SETD7: variants seen among roughly 807,000 people sequenced by gnomAD.
SETD7 encodes SET domain containing 7, histone lysine methyltransferase.
In SETD7, 16 loss-of-function variants were observed where a neutral mutation model predicts 41.8. The observed-to-expected ratio is 0.38, with a 90% CI of 0.26 to 0.58. The LOEUF is 0.58. Ranked by LOEUF, SETD7 falls within the 20% of genes least tolerant of loss-of-function variation. SETD7 has a pLI of 0.64. For synonymous variants in SETD7, 163 were observed against 169.7 expected (o/e 0.96, Z 0.31); for missense variants, 346 against 459.7 (o/e 0.75, Z 2.26).
Position 139,533,564 on chromosome 4 carries a change from T to G in SETD7, c.171-198A>C, listed in dbSNP as rs115985525. On this transcript the variant is annotated intron_variant, in intron 2 of 7. Transcript: ENST00000274031. ...TAAGACTGAGAAGAAAGACGGAGATTTAATACCCAATCTCATGGTTCCTGG... is the reference window on the plus strand; with the variant it reads ...TAAGACTGAGAAGAAAGACGGAGATGTAATACCCAATCTCATGGTTCCTGG... Among the ~76,000 whole-genome samples, 1,326 of 152,270 alleles carry G rather than the reference T, an allele frequency of 8.7e-3. 25 individuals are homozygous for G. Among genetic ancestry groups the G allele is most frequent in the African/African-American group, 0.031 (1,269 of 41,542 alleles).
chr4:139,549,666 T>C (rs758034107), intron 1 of SETD7, among the ~76,000 whole-genome samples: 1 of 152,060 alleles, frequency 6.6e-6, no homozygotes, highest in Admixed American at 6.6e-5. Flanking sequence ...AGTGCAGTGA[T>C]GAGACCATAG....
intron 7 of SETD7, among the ~76,000 whole-genome samples, chr4:139,497,588 T>G (rs1035355205): frequency 6.6e-6 from 1 of 150,596 alleles, no homozygotes; most frequent in Middle Eastern, 3.2e-3. Context: ...TTTGTTTTTT[T>G]GTTTTTTTGT....
chr4:139,511,606 C>T lies in SETD7; in HGVS notation c.*57G>A, dbSNP rs202095469. On this transcript the variant is annotated 3_prime_UTR_variant, in exon 8 of 8. Transcript: ENST00000274031. ...CCTGGTTGTCCCATTGTCAGATAAA[C>T]GTAGTGCATAGATCCAAGTTTCTAT... 6.5e-4 allele frequency: 1,042 copies of T among 1,607,958 alleles called. 2 individuals are homozygous for T. The highest frequency in any genetic ancestry group is 8.3e-4 in the Non-Finnish European group (979 of 1,178,716).
chr4:139,532,500 A>C (rs762448499), intron 3 of SETD7: 6 of 152,448 alleles, frequency 3.9e-5, no homozygotes, highest in Non-Finnish European at 7.3e-5. Flanking sequence ...TTTCTGTAAC[A>C]TTTTCTGGAA....
intron 7 of SETD7, among the ~76,000 whole-genome samples, chr4:139,514,718 A>G (rs1726977331): frequency 6.6e-6 from 1 of 152,250 alleles, no homozygotes; most frequent in Non-Finnish European, 1.5e-5. Context: ...CGTGAGCTAC[A>G]CGATTAGCAG....
chr4:139,542,881 G>A (rs897521572), intron 2 of SETD7, among the ~76,000 whole-genome samples: 3 of 152,112 alleles, frequency 2.0e-5, no homozygotes, highest in African/African-American at 7.2e-5. Context: ...TAATTTTCTT[G>A]ATATGTTTAT....
At chr4:139,497,956 G>A (rs1660762612) in intron 7 of SETD7, among the ~76,000 whole-genome samples, 1 of 152,164 alleles carries the variant, frequency 6.6e-6, no homozygotes, top group Non-Finnish European at 1.5e-5. Context: ...ACCACAAGAG[G>A]GAGCTGGACC....
chr4:139,545,833 G>A (rs901371254), intron 2 of SETD7, among the ~76,000 whole-genome samples: 2 of 152,202 alleles, frequency 1.3e-5, no homozygotes, highest in African/African-American at 4.8e-5. Flanking sequence ...AGTAAGTGGT[G>A]CGGTATCCTA....
intron 1 of SETD7, among the ~76,000 whole-genome samples, chr4:139,548,468 T>A (rs759686351): frequency 6.6e-6 from 1 of 151,966 alleles, no homozygotes; most frequent in Non-Finnish European, 1.5e-5. Context: ...CCGTCTTTAC[T>A]AAAAATACAA....
At chr4:139,498,786 A>G (rs535444249) in intron 7 of SETD7, among the ~76,000 whole-genome samples, 1 of 152,294 alleles carries the variant, frequency 6.6e-6, no homozygotes, top group Admixed American at 6.5e-5. Flanking sequence ...AAACCTAAAA[A>G]TATCACTCTA....
At chr4:139,553,853 A>G (rs1190458302) in intron 1 of SETD7, among the ~76,000 whole-genome samples, 1 of 152,242 alleles carries the variant, frequency 6.6e-6, no homozygotes, top group African/African-American at 2.4e-5. Flanking sequence ...TCTTTGGGAA[A>G]GAACAGAAGC....
chr4:139,499,340 C>T (rs528489747), intron 7 of SETD7, among the ~76,000 whole-genome samples: 2 of 152,210 alleles, frequency 1.3e-5, no homozygotes, highest in Admixed American at 6.5e-5. Context: ...GAGGCTTGAA[C>T]TTTGCTAAAG....
At chr4:139,547,171 T>C in intron 1 of SETD7, 122 bp from the exon 2 acceptor site, 1 of 1,265,640 alleles carries the variant, frequency 7.9e-7, no homozygotes, top group Non-Finnish European at 1.1e-6. Flanking sequence ...TGCCAAAGGG[T>C]CCCCTCCCTG....
downstream of SETD7, among the ~76,000 whole-genome samples, chr4:139,501,642 A>C (rs1726579361): frequency 6.6e-6 from 1 of 152,280 alleles, no homozygotes; most frequent in African/African-American, 2.4e-5. Context: ...AAATAAATAA[A>C]AGTACTCTAG....
intron 2 of SETD7, chr4:139,546,511 A>G: frequency 3.3e-6 from 1 of 306,592 alleles, no homozygotes; most frequent in Admixed American, 4.9e-5. Context: ...CCCTTGGAAA[A>G]AAGTGTGAAT....
intron 1 of SETD7, among the ~76,000 whole-genome samples, chr4:139,552,208 A>G (rs569685350): frequency 6.6e-6 from 1 of 152,222 alleles, no homozygotes; most frequent in African/African-American, 2.4e-5. Flanking sequence ...ACAGGGCATG[A>G]GCACTCTTAG....
At chr4:139,526,760 G>A (rs1369842535) in intron 4 of SETD7, among the ~76,000 whole-genome samples, 1 of 152,042 alleles carries the variant, frequency 6.6e-6, no homozygotes, top group Admixed American at 6.5e-5. Flanking sequence ...TGATTCTTAA[G>A]TTTAGGCACC....
At chr4:139,498,523 C>G (rs1428087777) in intron 7 of SETD7, among the ~76,000 whole-genome samples, 2 of 152,232 alleles carry the variant, frequency 1.3e-5, no homozygotes, top group Non-Finnish European at 1.5e-5. Flanking sequence ...CTACTTGATC[C>G]TGGTGCTTCC....
intron 3 of SETD7, 28 bp from the exon 4 acceptor site, chr4:139,529,248 ATAT>A (rs1560684389): frequency 1.1e-5 from 17 of 1,571,748 alleles, no homozygotes; most frequent in Non-Finnish European, 1.4e-5. Context: ...AAACCAGAAA[ATAT>A]TATATATAGT....
Sources: allele counts gnomAD v4.1 joint callset (sites outside exome capture counted in the v4.1 genomes callset), GRCh38; gene constraint gnomAD v4.1.1; transcripts MANE v1.5; gene names NCBI Gene and HGNC (gene_info 2026-07-23, HGNC 2026-07-21).